IPO7: variants seen among roughly 807,000 people sequenced by gnomAD.
The protein encoded by IPO7 is importin 7, also known as importin-7.
IPO7 carries 13 observed loss-of-function variants against 136.4 expected under a neutral mutation model. That is an observed-to-expected ratio of 0.10 (90% CI 0.06 to 0.15). The LOEUF is 0.15. IPO7 is among the 10% of genes least tolerant of loss of function. The pLI is 1.00. For missense variants in IPO7, 857 were observed against 1,240.6 expected (o/e 0.69, Z 4.65); for synonymous variants, 403 against 404.4 (o/e 1.00, Z 0.04).
chr11:9,393,295 C>T (rs1048950117), intron 1 of IPO7, among the ~76,000 whole-genome samples: 13 of 152,210 alleles, frequency 8.5e-5, no homozygotes, highest in Non-Finnish European at 1.8e-4. Flanking sequence ...AAAAAGCAGA[C>T]TGGAGATTTT....
chr11:9,403,473 C>T, intron 2 of IPO7, 102 bp downstream of exon 2: 3 of 808,644 alleles, frequency 3.7e-6, no homozygotes, highest in South Asian at 3.3e-5. Context: ...CAATTTTTTC[C>T]CCCCAGGTAA....
Position 9,403,375 on chromosome 11 carries a change from A to T in IPO7, c.166+4A>T. ...GATTTACCTGTGAGACAGGCAGGCA[A>T]GTTTCCTAAATTATATTGAGTGTAT... On this transcript the variant is annotated splice_donor_region_variant and intron_variant, in intron 2 of 24. Transcript: ENST00000379719. 6.3e-7 allele frequency: 1 copy of T among 1,594,842 alleles called. No individual in the cohort carries two copies.
rs183671320 is a variant in IPO7 at position 9,421,755 on chromosome 11, T to C, written c.906+1057T>C. On this transcript the variant is annotated intron_variant, in intron 8 of 24. Coordinates refer to ENST00000379719, the MANE Select transcript of IPO7 (RefSeq NM_006391.3). ...GTCAGGAGATCAAGACCATCCTGGCTAACACAGTGAAACCCCATTTCTACT... is the reference window on the plus strand; with the variant it reads ...GTCAGGAGATCAAGACCATCCTGGCCAACACAGTGAAACCCCATTTCTACT... 1.3e-3 allele frequency among the ~76,000 whole-genome samples: 192 copies of C among 146,714 alleles called. 1 individual carries two copies. In the East Asian group the frequency reaches 0.02, roughly 15 times the overall value.
At chr11:9,390,563 AT>A (rs1228557487) in intron 1 of IPO7, among the ~76,000 whole-genome samples, 1 of 152,214 alleles carries the variant, frequency 6.6e-6, no homozygotes, top group African/African-American at 2.4e-5. Context: ...CACCAGGAAT[AT>A]TTTGAAGTAC....
chr11:9,434,798 C>G (rs1220675190), intron 18 of IPO7, 136 bp from the exon 19 acceptor site: 2 of 676,970 alleles, frequency 3.0e-6, no homozygotes, highest in Non-Finnish European at 5.3e-6. Context: ...AGAGTGTCCC[C>G]CCTCCCCCCA....
chr11:9,391,373 G>A (rs562643694), intron 1 of IPO7, among the ~76,000 whole-genome samples: 15 of 151,764 alleles, frequency 9.9e-5, no homozygotes, highest in Middle Eastern at 3.4e-3. Flanking sequence ...ATTCCAGCCC[G>A]GGCAACAGTG....
At chr11:9,440,389 A>C (rs774475470) in intron 22 of IPO7, 66 bp from the exon 23 acceptor site, 3 of 1,275,348 alleles carry the variant, frequency 2.4e-6, no homozygotes, top group Non-Finnish European at 3.4e-6. Context: ...GATTGAGATG[A>C]TTGTCAATTT....
Position 9,438,045 on chromosome 11 carries a change from G to GTTT in IPO7, c.2490-5_2490-3dup, listed in dbSNP as rs202038310. ...TCTGCTTATTTAAGAAAAGAAAACA[G>GTTT]TTTTTTTTTTTTTTTTTTTTTTTTT... On this transcript the variant is annotated intron_variant, in intron 21 of 24. Transcript: ENST00000379719. 3.3e-3 allele frequency: 3,627 copies of GTTT among 1,089,372 alleles called. 68 individuals are homozygous for GTTT. Among genetic ancestry groups the GTTT allele is most frequent in the African/African-American group, 0.014 (477 of 33,132 alleles). 67.5% of individuals were successfully genotyped at this position (1,089,372 alleles called of 1,614,324 possible).
chr11:9,417,186 A>G, intron 6 of IPO7, 38 bp downstream of exon 6: 1 of 869,016 alleles, frequency 1.2e-6, no homozygotes. Context: ...ACTAAATGTA[A>G]ATATTTAATG....
chr11:9,390,580 T>C (rs2133717226), intron 1 of IPO7, among the ~76,000 whole-genome samples: 1 of 152,324 alleles, frequency 6.6e-6, no homozygotes, highest in Admixed American at 6.5e-5. Flanking sequence ...AGTACTGTTC[T>C]GAATTTGGGA....
chr11:9,437,415 T>C (rs1287060440), intron 20 of IPO7, among the ~76,000 whole-genome samples: 1 of 146,116 alleles, frequency 6.8e-6, no homozygotes, highest in Non-Finnish European at 1.5e-5. Context: ...CCACCACGCC[T>C]GGCTAATTTT....
At chr11:9,412,229 T>A (rs1854976740) in intron 4 of IPO7, among the ~76,000 whole-genome samples, 1 of 152,222 alleles carries the variant, frequency 6.6e-6, no homozygotes, top group East Asian at 1.9e-4. Context: ...TTTGTATTTT[T>A]TATTCCTGGT....
At chr11:9,437,636 A>G (rs1855398089) in intron 20 of IPO7, 118 bp from the exon 21 acceptor site, 1 of 712,444 alleles carries the variant, frequency 1.4e-6, no homozygotes, top group East Asian at 2.7e-5. Flanking sequence ...TCAGCAGTAA[A>G]TATTGGTCAT....
intron 2 of IPO7, chr11:9,403,583 G>T: frequency 2.1e-6 from 1 of 487,216 alleles, no homozygotes; most frequent in South Asian, 3.2e-5. Flanking sequence ...TAAAATAGAA[G>T]CTTCAAATAG....
intron 19 of IPO7, among the ~76,000 whole-genome samples, chr11:9,435,668 ATATACC>A (rs1339919744): frequency 1.3e-5 from 2 of 152,178 alleles, no homozygotes; most frequent in African/African-American, 4.8e-5. Context: ...GGGAGCAGAG[ATATACC>A]TATACTATCT....
chr11:9,409,118 T>C (rs1286627768), intron 3 of IPO7, among the ~76,000 whole-genome samples: 1 of 151,710 alleles, frequency 6.6e-6, no homozygotes, highest in Non-Finnish European at 1.5e-5. Flanking sequence ...TAGTCATTTT[T>C]TTTTTTTTAA....
chr11:9,400,450 A>C (rs1854776509), intron 1 of IPO7, among the ~76,000 whole-genome samples: 1 of 151,598 alleles, frequency 6.6e-6, no homozygotes, highest in African/African-American at 2.4e-5. Context: ...CTGAGACCTA[A>C]TCTCGCTGTC....
At position 9,447,445 on chromosome 11, in the gene IPO7, C is replaced by G. The variant is rs1855544475; in HGVS notation, c.*2251C>G. The G allele has an allele frequency of 6.6e-6, 1 of 152,056 alleles. No homozygotes were observed. Among genetic ancestry groups the G allele is most frequent in the Non-Finnish European group, 1.5e-5 (1 of 68,000 alleles). The allele number at this position is 152,056 out of a possible 1,614,324, so 9.4% of individuals were successfully genotyped here. A position where few individuals can be genotyped will look rare whatever the true frequency, so the allele number is the denominator to read the frequency against. ...AGTTTCTAATGCATCAAATATATAC[C>G]TCAGTTTTCATGATTTCCTTTAACA... On this transcript the variant is annotated 3_prime_UTR_variant, in exon 25 of 25. Coordinates refer to ENST00000379719, the MANE Select transcript of IPO7 (RefSeq NM_006391.3).
intron 9 of IPO7, 112 bp downstream of exon 9, chr11:9,423,252 C>G (rs1855158946): frequency 4.8e-6 from 3 of 623,926 alleles, no homozygotes; most frequent in South Asian, 6.0e-5. Flanking sequence ...TAGACTACTT[C>G]TGGTGATTGT....
Sources: gnomAD v4.1 joint callset for allele counts (sites outside exome capture counted in the v4.1 genomes callset) on GRCh38, gnomAD v4.1.1 for gene constraint, MANE v1.5 for transcripts, NCBI Gene and HGNC (gene_info 2026-07-23, HGNC 2026-07-21) for gene names.